Variants in ATXN2 observed in about 807,000 individuals in gnomAD.
ATXN2 encodes the protein ataxin-2.
Under a neutral mutation model 138.6 loss-of-function variants are expected in ATXN2, and 37 were observed. The ratio of observed to expected loss-of-function variants is 0.27; its 90% confidence interval spans 0.21 to 0.35. The LOEUF (loss-of-function observed/expected upper bound fraction) is 0.35. Among genes scored for constraint, ATXN2 ranks in the 10% least tolerant of loss-of-function variants. The pLI, the probability that ATXN2 is intolerant of heterozygous loss-of-function variation, is 1.00. For missense variants in ATXN2, 1,216 were observed against 1,480.3 expected (o/e 0.82, Z 2.93); for synonymous variants, 549 against 543.7 (o/e 1.01, Z -0.13).
chr12:111,599,202 C>G lies in ATXN2; in HGVS notation c.-168G>C, dbSNP rs938322131. Reference sequence around the variant, plus strand: ...CTGGCGAGGGGGAGAAGGAGGACGACGAAGGGGCGGGGAGGCCCGCCGAGA... The same window carrying G: ...CTGGCGAGGGGGAGAAGGAGGACGAGGAAGGGGCGGGGAGGCCCGCCGAGA... On this transcript the variant is annotated 5_prime_UTR_variant, in exon 1 of 25. Coordinates refer to ENST00000673436, the MANE Select transcript of ATXN2 (RefSeq NM_001372574.1). The G allele has an allele frequency of 2.5e-6, 3 of 1,200,848 alleles. No individual in the cohort carries two copies. In the African/African-American group the frequency reaches 4.8e-5, roughly 19 times the overall value. The allele number at this position is 1,200,848 out of a possible 1,614,324, so 74.4% of individuals were successfully genotyped here.
chr12:111,452,681 G>A lies in ATXN2; in HGVS notation c.*131C>T, dbSNP rs1001459090. On this transcript the variant is annotated 3_prime_UTR_variant, in exon 25 of 25. Transcript: ENST00000673436. ...CAAGTGAACTGTTAGCATTCCTATT[G>A]GATGTTACAAGAAATCAACATATAT... The A allele has an allele frequency of 1.9e-6, 2 of 1,061,092 alleles. No homozygotes were observed. Among genetic ancestry groups the A allele is most frequent in the East Asian group, 2.5e-5 (1 of 39,364 alleles). 65.7% of individuals were successfully genotyped at this position (1,061,092 alleles called of 1,614,324 possible).
In ATXN2 at chr12:111,598,958, T is replaced by G. The variant is rs761221724; in HGVS notation, c.77A>C (p.Gln26Pro). The change falls in exon 1 of 25, where the codon CAG becomes CCG. Residue 26 changes from glutamine to proline, a missense_variant. By Grantham distance (76) the Gln-to-Pro change is moderately conservative. Coordinates refer to ENST00000673436, the MANE Select transcript of ATXN2 (RefSeq NM_001372574.1). The surrounding 1 kb of genome is among the most constrained non-coding windows in gnomAD (Gnocchi z 4.5). ...QQQQQQQQQQ[Q>P]QQPPPAAANV... ...GGCAGCCGCGGGCGGCGGCTGCTGC[T>G]GCTGCTGCTGCTGCTGCTGTTGCTG... 8.8e-5 allele frequency: 130 copies of G among 1,480,922 alleles called. No individual in the cohort carries two copies. The East Asian group carries it at 3.0e-3, about 34-fold the overall frequency. The allele number at this position is 1,480,922 out of a possible 1,614,324, so 91.7% of individuals were successfully genotyped here. A position where few individuals can be genotyped will look rare whatever the true frequency, so the allele number is the denominator to read the frequency against.
chr12:111,540,856 G>A (rs944850520), intron 5 of ATXN2, among the ~76,000 whole-genome samples: 1 of 149,416 alleles, frequency 6.7e-6, no homozygotes, highest in African/African-American at 2.4e-5. Context: ...TACCATGCCT[G>A]ACTAATTTTT....
chr12:111,488,528 G>C lies in ATXN2; in HGVS notation c.2188C>G (p.Pro730Ala). Residue 730 changes from proline to alanine, a missense_variant, in exon 15 of 25, where the codon CCA becomes GCA. By Grantham distance (27) the Pro-to-Ala change is conservative. Around this residue, in one of 4 missense-constraint regions of ATXN2, gnomAD observed 490 missense variants for 653.5 expected, o/e 0.75. Transcript: ENST00000673436. ...TCGTCTTTCTCTTGTTTACATGCTG[G>C]GCTGGAAGTCTGAACCCCTTGGGAA... is the stretch of plus-strand genomic sequence containing the variant. ...VTSQGVQTSS[P>A]ACKQEKDDKE... 1.2e-6 allele frequency: 2 copies of C among 1,614,086 alleles called. No individual in the cohort carries two copies. Among genetic ancestry groups the C allele is most frequent in the Non-Finnish European group, 1.7e-6 (2 of 1,180,004 alleles).
At chr12:111,463,398 A>G (rs1341545579) in intron 21 of ATXN2, among the ~76,000 whole-genome samples, 1 of 152,064 alleles carries the variant, frequency 6.6e-6, no homozygotes, top group Non-Finnish European at 1.5e-5. Context: ...GGGTTCATGG[A>G]ACTCTTGTGC....
intron 1 of ATXN2, among the ~76,000 whole-genome samples, chr12:111,571,586 G>T (rs1433594858): frequency 1.3e-5 from 2 of 152,086 alleles, no homozygotes; most frequent in African/African-American, 4.8e-5. Context: ...AGACCATCTT[G>T]ATTTAAATGG....
intron 6 of ATXN2, among the ~76,000 whole-genome samples, chr12:111,524,658 G>A (rs1268133908): frequency 2.0e-5 from 3 of 152,138 alleles, no homozygotes; most frequent in Non-Finnish European, 4.4e-5. Context: ...GACAAGAGGC[G>A]TTTTAGAAAT....
chr12:111,509,928 A>G lies in ATXN2; in HGVS notation c.1827T>C (p.Asn609=). ...CTTTTGAGAAGCTAGGTGATGTTTC[A>G]TTGGGTTTAATATTTTCTTTATTCC... The part of the protein sequence containing the change: ...PAGNKENIKP[N]ETSPSFSKAE... The change falls in exon 13 of 25, where the codon AAT becomes AAC. Residue 609 remains asparagine, a synonymous_variant. Transcript: ENST00000673436. 1 of 1,613,260 alleles carries G rather than the reference A, an allele frequency of 6.2e-7. No individual in the cohort carries two copies. Among genetic ancestry groups the G allele is most frequent in the South Asian group, 1.1e-5 (1 of 90,962 alleles).
In ATXN2 at chr12:111,516,327, G is replaced by C; in HGVS notation, c.1202C>G (p.Ser401Cys). 1 of 1,585,882 alleles carries C rather than the reference G, an allele frequency of 6.3e-7. No homozygotes were observed. The highest frequency in any genetic ancestry group is 8.6e-7 in the Non-Finnish European group (1 of 1,169,338). The change falls in exon 10 of 25, where the codon TCT becomes TGT. Residue 401 changes from serine (S) to cysteine (C), a missense_variant. Physicochemically the swap from Ser to Cys is moderately radical, Grantham distance 112 (BLOSUM62 -1). Transcript: ENST00000673436. The surrounding 1 kb of genome is among the most constrained non-coding windows in gnomAD (Gnocchi z 5.0). ...TGACTGGTAGCGAGAAGGTGGGCGA[G>C]AGGAAGGAGATGGGCAAGGCGATGG... Reference protein sequence around the residue: ...PWPSPCPSPSSRPPSRYQSGP... With the variant: ...PWPSPCPSPSCRPPSRYQSGP...
At chr12:111,523,323 C>T (rs1397420260) in intron 6 of ATXN2, among the ~76,000 whole-genome samples, 2 of 152,096 alleles carry the variant, frequency 1.3e-5, no homozygotes, top group Non-Finnish European at 2.9e-5. Flanking sequence ...ATTGGAACAC[C>T]ATTCTTTTTG....
At chr12:111,525,140 C>G in intron 6 of ATXN2, 52 bp downstream of exon 6, 1 of 1,542,136 alleles carries the variant, frequency 6.5e-7, no homozygotes, top group Non-Finnish European at 8.7e-7. Flanking sequence ...AACCAAGTGA[C>G]AGGATGTCAT....
In ATXN2 at chr12:111,533,950, A is replaced by C. The variant is rs560266955; in HGVS notation, c.572-8634T>G. 2.0e-5 allele frequency among the ~76,000 whole-genome samples: 3 copies of C among 152,306 alleles called. No homozygotes were observed. In the East Asian group the frequency reaches 5.8e-4, roughly 29 times the overall value. ...CATCAGTGTCCCAGCCACAAAACTAAGAAATGAATGGTAATTACAATTTTA... is the reference window on the plus strand; with the variant it reads ...CATCAGTGTCCCAGCCACAAAACTACGAAATGAATGGTAATTACAATTTTA... On this transcript the variant is annotated intron_variant, in intron 5 of 24. Coordinates refer to ENST00000673436, the MANE Select transcript of ATXN2 (RefSeq NM_001372574.1).
intron 18 of ATXN2, among the ~76,000 whole-genome samples, chr12:111,474,187 C>T (rs1876627682): frequency 6.6e-6 from 1 of 152,172 alleles, no homozygotes; most frequent in East Asian, 1.9e-4. Flanking sequence ...TGCCACTGCA[C>T]TCCAGCTTGG....
chr12:111,571,993 C>T (rs1357876244), intron 1 of ATXN2, among the ~76,000 whole-genome samples: 2 of 134,314 alleles, frequency 1.5e-5, no homozygotes, highest in African/African-American at 5.8e-5. Flanking sequence ...GCCTGAGCAA[C>T]ACAGCAAGAC....
intron 2 of ATXN2, among the ~76,000 whole-genome samples, chr12:111,554,482 A>G (rs1439441802): frequency 6.6e-6 from 1 of 152,242 alleles, no homozygotes; most frequent in Non-Finnish European, 1.5e-5. Flanking sequence ...TAGGTTTATG[A>G]TATCTTACAT....
chr12:111,502,672 C>T (rs750508574), intron 14 of ATXN2, among the ~76,000 whole-genome samples: 2 of 152,094 alleles, frequency 1.3e-5, no homozygotes, highest in African/African-American at 4.8e-5. Flanking sequence ...CTCAGCTGAT[C>T]CATCCACCTC....
intron 5 of ATXN2, among the ~76,000 whole-genome samples, chr12:111,549,026 GCA>G (rs1207955508): frequency 6.6e-6 from 1 of 151,982 alleles, no homozygotes; most frequent in Admixed American, 6.6e-5. Context: ...GGCCTAGAAA[GCA>G]CAAATTCTCA....
chr12:111,576,321 G>A (rs1166251407), intron 1 of ATXN2, among the ~76,000 whole-genome samples: 1 of 151,990 alleles, frequency 6.6e-6, no homozygotes, highest in Non-Finnish European at 1.5e-5. Flanking sequence ...GTGCACGTCT[G>A]TAGTCTCAGG....
At chr12:111,543,849 G>A (rs1336991035) in intron 5 of ATXN2, among the ~76,000 whole-genome samples, 1 of 152,172 alleles carries the variant, frequency 6.6e-6, no homozygotes, top group Non-Finnish European at 1.5e-5. Context: ...GGCCAAGGTA[G>A]AGGATTGCTT....
Sources: allele counts gnomAD v4.1 joint callset (sites outside exome capture counted in the v4.1 genomes callset), GRCh38; gene constraint gnomAD v4.1.1; regional missense constraint gnomAD v4.1.1; non-coding constraint Gnocchi (gnomAD v3.1); transcripts MANE v1.5; gene names NCBI Gene and HGNC (gene_info 2026-07-23, HGNC 2026-07-21).